Variants in ZNF83 observed in about 807,000 individuals in gnomAD.
ZNF83 encodes zinc finger protein 83, also known as zinc finger protein 816B.
For missense variants in ZNF83, 552 were observed against 629.9 expected, an observed-to-expected ratio of 0.88 and a Z score of 1.32; for synonymous variants, 209 against 213.0, an observed-to-expected ratio of 0.98 and a Z score of 0.17.
chr19:52,659,110 C>T lies in ZNF83; in HGVS notation c.-201+1652G>A, dbSNP rs571672269. 4.9e-4 allele frequency among the ~76,000 whole-genome samples: 74 copies of T among 152,248 alleles called. 1 individual carries two copies. The highest frequency in any genetic ancestry group is 3.4e-3 in the Middle Eastern group (1 of 294). ...GGCAGACCCCCGCAGCTAATGCCCTCTTGTGAGGAGCAATACCTCAGTTGA... is the reference window on the plus strand; with the variant it reads ...GGCAGACCCCCGCAGCTAATGCCCTTTTGTGAGGAGCAATACCTCAGTTGA... On this transcript the variant is annotated intron_variant, in intron 2 of 5. Transcript: ENST00000594682.
At chr19:52,653,145 G>T (rs947366291) in intron 3 of ZNF83, 6 of 1,471,840 alleles carry the variant, frequency 4.1e-6, no homozygotes, top group African/African-American at 1.4e-5. Context: ...CATGACAGTT[G>T]TAAGGTTTTT....
chr19:52,624,555 T>G (rs1347327943), intron 2 of ZNF83, among the ~76,000 whole-genome samples: 1 of 152,212 alleles, frequency 6.6e-6, no homozygotes, highest in Non-Finnish European at 1.5e-5. Context: ...CCCACTCGTC[T>G]TTCCGTTCCT....
intron 2 of ZNF83, chr19:52,617,731 A>C (rs1411772665): frequency 6.1e-5 from 1 of 16,448 alleles, no homozygotes; most frequent in African/African-American, 5.0e-4. Flanking sequence ...ATTGTCTCAA[A>C]AAAAAAAAAA....
intron 1 of ZNF83, among the ~76,000 whole-genome samples, chr19:52,680,606 A>AT (rs556558292): frequency 0.15 from 13,042 of 88,968 alleles, 1,063 homozygotes; most frequent in Non-Finnish European, 0.2. Flanking sequence ...TCCACAAAAT[A>AT]TTTTTTTTTT....
At chr19:52,660,046 C>T (rs1056317617) in intron 2 of ZNF83, among the ~76,000 whole-genome samples, 3 of 151,868 alleles carry the variant, frequency 2.0e-5, no homozygotes, top group East Asian at 1.9e-4. Context: ...AAAAAATTAG[C>T]GGGGTGTGGT....
At chr19:52,680,654 C>G (rs1245636998) in intron 1 of ZNF83, among the ~76,000 whole-genome samples, 1 of 134,154 alleles carries the variant, frequency 7.5e-6, no homozygotes, top group Non-Finnish European at 1.5e-5. Context: ...GCTCTGTCGC[C>G]CAGGCTGGAG....
intron 1 of ZNF83, among the ~76,000 whole-genome samples, chr19:52,637,801 A>C (rs971617909): frequency 2.0e-5 from 3 of 152,122 alleles, no homozygotes; most frequent in East Asian, 1.9e-4. Flanking sequence ...GTTCAGGGGA[A>C]GAGGTGACTG....
At chr19:52,631,846 A>C (rs1300880372) in intron 2 of ZNF83, among the ~76,000 whole-genome samples, 2 of 152,056 alleles carry the variant, frequency 1.3e-5, no homozygotes, top group African/African-American at 4.8e-5. Flanking sequence ...AGAACCTCTC[A>C]TTTCCTTTCC....
chr19:52,650,334 GCAAC>G (rs2061427372), intron 3 of ZNF83: 1 of 151,186 alleles, frequency 6.6e-6, no homozygotes, highest in Non-Finnish European at 1.5e-5. Context: ...TTGGCTCACT[GCAAC>G]CTCTACCTCC....
At chr19:52,630,976 A>G (rs2060935280) in intron 2 of ZNF83, among the ~76,000 whole-genome samples, 1 of 148,928 alleles carries the variant, frequency 6.7e-6, no homozygotes, top group Non-Finnish European at 1.5e-5. Flanking sequence ...ATACTCTCCT[A>G]TCCTCAGTAC....
intron 2 of ZNF83, among the ~76,000 whole-genome samples, chr19:52,628,094 A>G (rs55851440): frequency 0.015 from 2,216 of 151,120 alleles, 56 homozygotes; most frequent in African/African-American, 0.049. Context: ...ATCTCCCTTT[A>G]CTCTCTTTTT....
At chr19:52,671,924 G>GA (rs974548759) in intron 1 of ZNF83, among the ~76,000 whole-genome samples, 64 of 152,180 alleles carry the variant, frequency 4.2e-4, no homozygotes, top group African/African-American at 1.3e-3. Context: ...CTTGGGCCCT[G>GA]AAAAAATATA....
chr19:52,680,794 A>G lies in ZNF83; in HGVS notation c.-283+9649T>C, dbSNP rs1028661285. On this transcript the variant is annotated intron_variant, in intron 1 of 5. Transcript: ENST00000594682. ...CGCCCGGCTAATTTTTTGTATTTTT[A>G]GTAGAGACGGGGTTTCACCGTGTTA... 2.0e-5 allele frequency among the ~76,000 whole-genome samples: 3 copies of G among 147,602 alleles called. No individual in the cohort carries two copies. The South Asian group carries it at 6.5e-4, about 32-fold the overall frequency.
At chr19:52,627,982 C>T (rs2060805250) in intron 2 of ZNF83, among the ~76,000 whole-genome samples, 1 of 152,098 alleles carries the variant, frequency 6.6e-6, no homozygotes, top group Non-Finnish European at 1.5e-5. Context: ...CTCAAAAGCT[C>T]CCCCACTGAG....
chr19:52,624,049 A>C (rs2060645464), intron 2 of ZNF83, among the ~76,000 whole-genome samples: 1 of 151,934 alleles, frequency 6.6e-6, no homozygotes, highest in Non-Finnish European at 1.5e-5. Flanking sequence ...CTGGACTGAC[A>C]CTGACACTCA....
intron 2 of ZNF83, among the ~76,000 whole-genome samples, chr19:52,631,246 T>G (rs943627729): frequency 6.6e-6 from 1 of 152,120 alleles, no homozygotes; most frequent in Non-Finnish European, 1.5e-5. Context: ...TCCCTGCTGA[T>G]CGTGTCCAAT....
At chr19:52,667,094 A>G (rs2061664659) in intron 1 of ZNF83, among the ~76,000 whole-genome samples, 1 of 152,190 alleles carries the variant, frequency 6.6e-6, no homozygotes, top group Non-Finnish European at 1.5e-5. Flanking sequence ...AACGTTTTCA[A>G]CGAAAGTCAA....
chr19:52,683,262 GTGTGTGTGTGTGTGTGTGTA>G (rs772223671), intron 1 of ZNF83, among the ~76,000 whole-genome samples: 1,107 of 86,408 alleles, frequency 0.013, 13 homozygotes, highest in African/African-American at 0.035. Flanking sequence ...GTGTGTGTGT[GTGTGTGTGTGTGTGTGTGTA>G]TGCTCACGTG....
At chr19:52,637,639 C>T (rs928524463) in intron 1 of ZNF83, among the ~76,000 whole-genome samples, 3 of 152,152 alleles carry the variant, frequency 2.0e-5, no homozygotes, top group Non-Finnish European at 2.9e-5. Flanking sequence ...TTTTCTACTG[C>T]TCTGTCTCCC....
Sources: gnomAD v4.1 joint callset for allele counts (sites outside exome capture counted in the v4.1 genomes callset) on GRCh38, gnomAD v4.1.1 for gene constraint, MANE v1.5 for transcripts, NCBI Gene and HGNC (gene_info 2026-07-23, HGNC 2026-07-21) for gene names.